CRYBG3: variants seen among roughly 807,000 people sequenced by gnomAD.
The protein encoded by CRYBG3 is crystallin beta-gamma domain containing 3.
A neutral mutation model predicts 244.2 loss-of-function variants in CRYBG3; 127 were observed. That is an observed-to-expected ratio of 0.52 (90% CI 0.45 to 0.60). The LOEUF (loss-of-function observed/expected upper bound fraction) is 0.60. Among genes scored for constraint, CRYBG3 ranks in the 20% least tolerant of loss-of-function variants. The pLI is 0.00. For synonymous variants in CRYBG3, 1,132 were observed against 1,195.8 expected (o/e 0.95, Z 1.10); for missense variants, 3,325 against 3,442.5 (o/e 0.97, Z 0.85).
In CRYBG3 at chr3:97,880,060, T is replaced by C; in HGVS notation, c.6964T>C (p.Ser2322Pro). ...YCNIPDATSWSFPNGVLIKVV... is the reference protein window; with the variant it reads ...YCNIPDATSWPFPNGVLIKVV... ...TAATATTCCTGATGCTACATCATGG[T>C]CTTTTCCAAATGGAGTTCTAATAAA... is the stretch of plus-strand genomic sequence containing the variant. The change falls in exon 6 of 22, where the codon TCT becomes CCT. Residue 2322 changes from serine to proline, a missense_variant. Physicochemically the swap from Ser to Pro is moderately conservative, Grantham distance 74 (BLOSUM62 -1). This residue lies in a region of CRYBG3 where 714 missense variants were observed against 803.6 expected (regional missense o/e 0.89). Transcript: ENST00000389622. 6.2e-7 allele frequency: 1 copy of C among 1,600,004 alleles called. No homozygotes were observed. The highest frequency in any genetic ancestry group is 8.5e-7 in the Non-Finnish European group (1 of 1,170,942).
rs768479247 is a variant in CRYBG3, at chr3:97,873,863, A to G, written c.2669A>G (p.Asn890Ser). 2.2e-5 allele frequency: 34 copies of G among 1,535,622 alleles called. No homozygotes were observed. Among genetic ancestry groups the G allele is most frequent in the Non-Finnish European group, 2.9e-5 (33 of 1,146,778 alleles). Residue 890 changes from asparagine to serine, a missense_variant, in exon 4 of 22, where the codon AAT becomes AGT. Transcript: ENST00000389622. ...CAGGGCAAACGTTTTCAATCAATTAATCATAATGAGATAGGAGAGAAATGT... is the reference window on the plus strand; with the variant it reads ...CAGGGCAAACGTTTTCAATCAATTAGTCATAATGAGATAGGAGAGAAATGT... ...VEQGKRFQSI[N>S]HNEIGEKCSD...
At chr3:97,850,352 A>G (rs1265354454) in intron 2 of CRYBG3, among the ~76,000 whole-genome samples, 1 of 152,214 alleles carries the variant, frequency 6.6e-6, no homozygotes, top group African/African-American at 2.4e-5. Context: ...AAGGGCACTT[A>G]CTTTAAATAG....
chr3:97,874,636 A>G lies in CRYBG3; in HGVS notation c.3442A>G (p.Asn1148Asp). The stretch of plus-strand genomic sequence containing the variant: ...TTTCCCAACTGCTGCCCAATTTGAC[A>G]ATCTCGTGGAAGCAGAGACTGGAGC... ...IDFPTAAQFD[N>D]LVEAETGAVA... The change falls in exon 4 of 22, where the codon AAT (asparagine) becomes GAT (aspartate). Residue 1148 changes from asparagine to aspartate, a missense_variant. Asn to Asp is a conservative substitution (Grantham distance 23). This residue lies in a region of CRYBG3 where 1,526 missense variants were observed against 1,443.2 expected (regional missense o/e 1.06). Transcript: ENST00000389622. 2 of 1,536,072 alleles carry G rather than the reference A, an allele frequency of 1.3e-6. No homozygotes were observed. The highest frequency in any genetic ancestry group is 1.7e-6 in the Non-Finnish European group (2 of 1,146,866).
intron 2 of CRYBG3, among the ~76,000 whole-genome samples, chr3:97,858,842 A>G (rs1455965970): frequency 6.6e-6 from 1 of 151,994 alleles, no homozygotes; most frequent in African/African-American, 2.4e-5. Context: ...CTGTTACTGG[A>G]GAATTACTGT....
rs1575987857 is a variant in CRYBG3 at position 97,944,906 on chromosome 3, T to C, written c.*1592T>C. ...CAGGTTAATGACATTCAATTCTAAATGATACATTGGAATTGTGCCTTTTCT... is the reference window on the plus strand; with the variant it reads ...CAGGTTAATGACATTCAATTCTAAACGATACATTGGAATTGTGCCTTTTCT... On this transcript the variant is annotated 3_prime_UTR_variant, in exon 22 of 22. Coordinates refer to ENST00000389622, the MANE Select transcript of CRYBG3 (RefSeq NM_153605.4). 2 of 232,990 alleles carry C rather than the reference T, an allele frequency of 8.6e-6. No individual in the cohort carries two copies. Among genetic ancestry groups the C allele is most frequent in the Non-Finnish European group, 8.2e-6 (1 of 121,362 alleles). 14.4% of individuals were successfully genotyped at this position (232,990 alleles called of 1,614,324 possible). A position where few individuals can be genotyped will look rare whatever the true frequency, so the allele number is the denominator to read the frequency against.
Position 97,823,067 on chromosome 3 carries a change from A to G in CRYBG3, c.149+712A>G, listed in dbSNP as rs2038528352. ...TCAGGTTTCCAGCTGTCTTGGTTTC[A>G]GTAATCAAAATGTACCCTTTCTCTG... On this transcript the variant is annotated intron_variant, in intron 1 of 21. Coordinates refer to ENST00000389622, the MANE Select transcript of CRYBG3 (RefSeq NM_153605.4). Among the ~76,000 whole-genome samples the G allele has an allele frequency of 2.0e-5, 3 of 152,188 alleles. No homozygotes were observed. In the South Asian group the frequency reaches 6.2e-4, roughly 32 times the overall value.
intron 2 of CRYBG3, among the ~76,000 whole-genome samples, chr3:97,862,563 T>A (rs987186906): frequency 6.6e-6 from 1 of 152,304 alleles, no homozygotes; most frequent in Non-Finnish European, 1.5e-5. Flanking sequence ...AAAATGTATA[T>A]CTTTCATATA....
Position 97,877,174 on chromosome 3 carries a change from C to A in CRYBG3, c.5980C>A (p.Gln1994Lys). ...YNLAFVSQDE[Q>K]ENSSFTILYE... The stretch of plus-strand genomic sequence containing the variant: ...TTTAGCTTTTGTTTCTCAAGATGAA[C>A]AAGAAAATTCTTCCTTTACTATATT... The change falls in exon 4 of 22, where the codon CAA becomes AAA. Residue 1994 changes from glutamine (Q) to lysine (K), a missense_variant. This residue lies in a region of CRYBG3 where 450 missense variants were observed against 424.1 expected (regional missense o/e 1.06). Coordinates refer to ENST00000389622, the MANE Select transcript of CRYBG3 (RefSeq NM_153605.4). The A allele has an allele frequency of 1.2e-6, 2 of 1,613,898 alleles. No individual in the cohort carries two copies. The highest frequency in any genetic ancestry group is 1.7e-6 in the Non-Finnish European group (2 of 1,179,894).
At chr3:97,897,423 A>G (rs2039651735) in intron 12 of CRYBG3, among the ~76,000 whole-genome samples, 1 of 152,126 alleles carries the variant, frequency 6.6e-6, no homozygotes, top group East Asian at 1.9e-4. Context: ...AACTTATGCA[A>G]GTGCTTTAAA....
intron 10 of CRYBG3, among the ~76,000 whole-genome samples, chr3:97,892,346 T>C (rs1441207064): frequency 6.6e-6 from 1 of 152,174 alleles, no homozygotes; most frequent in Non-Finnish European, 1.5e-5. Flanking sequence ...GCAAACAAGA[T>C]GAATTTTTTC....
rs531264211 is a variant in CRYBG3 at position 97,873,662 on chromosome 3, A to G, written c.2468A>G (p.Asn823Ser). The change falls in exon 4 of 22, where the codon AAT becomes AGT. Residue 823 changes from asparagine (N) to serine (S), a missense_variant. Coordinates refer to ENST00000389622, the MANE Select transcript of CRYBG3 (RefSeq NM_153605.4). ...AAAGCTGAAATTGATGGTCAGAACAATGTTCTTGTGGAGTCACATTCTGGA... is the reference window on the plus strand; with the variant it reads ...AAAGCTGAAATTGATGGTCAGAACAGTGTTCTTGTGGAGTCACATTCTGGA... Reference protein sequence around the residue: ...VSKAEIDGQNNVLVESHSGRG... With the variant: ...VSKAEIDGQNSVLVESHSGRG... The G allele has an allele frequency of 3.9e-6, 6 of 1,535,604 alleles. No individual in the cohort carries two copies. The African/African-American group carries it at 4.1e-5, about 11-fold the overall frequency.
At position 97,911,531 on chromosome 3, in the gene CRYBG3, C is replaced by T. The variant is rs831883; in HGVS notation, c.8005-636C>T. Reference sequence around the variant, plus strand: ...ATTTAAGGTATTCTTATCAGAAAACCGAAGCCTGTAAGCTGAAATACATAA... The same window carrying T: ...ATTTAAGGTATTCTTATCAGAAAACTGAAGCCTGTAAGCTGAAATACATAA... On this transcript the variant is annotated intron_variant, in intron 15 of 21. Transcript: ENST00000389622. 2.5e-3 allele frequency among the ~76,000 whole-genome samples: 387 copies of T among 152,252 alleles called. 3 individuals are homozygous for T. The highest frequency in any genetic ancestry group is 0.025 in the East Asian group (130 of 5,186).
rs148973708 is a variant in CRYBG3 at position 97,943,331 on chromosome 3, A to G, written c.*17A>G. ...ATATTGTGAGAGAATCAACATCCCT[A>G]GAAAGATCCCTAGAAAGAGCAAAGA... is the stretch of plus-strand genomic sequence containing the variant. On this transcript the variant is annotated 3_prime_UTR_variant, in exon 22 of 22. Transcript: ENST00000389622. 338 of 1,403,202 alleles carry G rather than the reference A, an allele frequency of 2.4e-4. No individual in the cohort carries two copies. In the African/African-American group the frequency reaches 4.0e-3, roughly 17 times the overall value. The allele number at this position is 1,403,202 out of a possible 1,614,324, so 86.9% of individuals were successfully genotyped here.
intron 15 of CRYBG3, among the ~76,000 whole-genome samples, chr3:97,911,307 G>A (rs1575959957): frequency 6.6e-6 from 1 of 152,286 alleles, no homozygotes; most frequent in South Asian, 2.1e-4. Context: ...TGTGGGCCAT[G>A]TTGTTCCAAG....
chr3:97,874,904 G>C lies in CRYBG3; in HGVS notation c.3710G>C (p.Gly1237Ala). 2 of 1,535,246 alleles carry C rather than the reference G, an allele frequency of 1.3e-6. No homozygotes were observed. Among genetic ancestry groups the C allele is most frequent in the Non-Finnish European group, 1.7e-6 (2 of 1,146,624 alleles). ...HIAIEGIMNL[G>A]TLKEDISEKN... is the part of the protein sequence containing the mutation. ...GCCATAGAAGGTATAATGAATCTGG[G>C]TACCCTGAAAGAAGACATCTCTGAG... The change falls in exon 4 of 22, where the codon GGT becomes GCT. Residue 1237 changes from glycine (G) to alanine (A), a missense_variant. Physicochemically the swap from Gly to Ala is moderately conservative, Grantham distance 60. This residue lies in a region of CRYBG3 where 1,526 missense variants were observed against 1,443.2 expected (regional missense o/e 1.06). Coordinates refer to ENST00000389622, the MANE Select transcript of CRYBG3 (RefSeq NM_153605.4).
At chr3:97,880,831 T>C (rs1204835370) in intron 6 of CRYBG3, among the ~76,000 whole-genome samples, 1 of 152,254 alleles carries the variant, frequency 6.6e-6, no homozygotes, top group Non-Finnish European at 1.5e-5. Flanking sequence ...CATAGAAATA[T>C]ATTGTGGTAC....
In CRYBG3 at chr3:97,898,891, A is replaced by G. The variant is rs532485494; in HGVS notation, c.7710A>G (p.Ile2570Met). Residue 2570 changes from isoleucine to methionine, a missense_variant, in exon 13 of 22, where the codon ATA (isoleucine) becomes ATG (methionine). Physicochemically the swap from Ile to Met is conservative, Grantham distance 10 (BLOSUM62 1). This residue lies in a region of CRYBG3 where 714 missense variants were observed against 803.6 expected (regional missense o/e 0.89). Transcript: ENST00000389622. Reference sequence around the variant, plus strand: ...CCTCTTTCTCCTTTTAGAATTTTATAGAATCTTCTGTCACACTATTTGAAT... The same window carrying G: ...CCTCTTTCTCCTTTTAGAATTTTATGGAATCTTCTGTCACACTATTTGAAT... ...LSFRYLQANF[I>M]ESSVTLFESD... 11 of 1,585,722 alleles carry G rather than the reference A, an allele frequency of 6.9e-6. No homozygotes were observed. Among genetic ancestry groups the G allele is most frequent in the East Asian group, 2.2e-5 (1 of 44,528 alleles).
chr3:97,863,039 G>GA (rs1316975880), intron 2 of CRYBG3, among the ~76,000 whole-genome samples: 4 of 152,042 alleles, frequency 2.6e-5, no homozygotes, highest in Non-Finnish European at 4.4e-5. Context: ...GGAATGAGGT[G>GA]AAAAAATGAC....
At chr3:97,839,380 T>G (rs2038780784) in intron 1 of CRYBG3, among the ~76,000 whole-genome samples, 1 of 152,140 alleles carries the variant, frequency 6.6e-6, no homozygotes, top group African/African-American at 2.4e-5. Context: ...ATGTAGCTAC[T>G]GTGTTCTCAT....
Sources: allele counts gnomAD v4.1 joint callset (sites outside exome capture counted in the v4.1 genomes callset), GRCh38; gene constraint gnomAD v4.1.1; regional missense constraint gnomAD v4.1.1; transcripts MANE v1.5; gene names NCBI Gene and HGNC (gene_info 2026-07-23, HGNC 2026-07-21).